Variants in SCN7A observed in about 807,000 individuals in gnomAD.
SCN7A encodes the protein sodium voltage-gated channel alpha subunit 7.
A neutral mutation model predicts 155.2 loss-of-function variants in SCN7A; 138 were observed. The observed-to-expected ratio is 0.89, with a 90% CI of 0.77 to 1.02. The LOEUF (loss-of-function observed/expected upper bound fraction) is 1.02. SCN7A is among the 50% of genes least tolerant of loss of function. The pLI, the probability that SCN7A is intolerant of heterozygous loss-of-function variation, is 0.00. For missense variants in SCN7A, 2,058 were observed against 1,986.6 expected, an observed-to-expected ratio of 1.04 and a Z score of -0.68; for synonymous variants, 693 against 649.0, an observed-to-expected ratio of 1.07 and a Z score of -1.03.
At chr2:166,438,356 T>A (rs1270569647) in intron 15 of SCN7A, among the ~76,000 whole-genome samples, 1 of 152,268 alleles carries the variant, frequency 6.6e-6, no homozygotes, top group Non-Finnish European at 1.5e-5. Flanking sequence ...CCTATGTAAA[T>A]GTGAGTCAAT....
At chr2:166,433,112 A>G (rs1447137303) in intron 15 of SCN7A, among the ~76,000 whole-genome samples, 2 of 152,038 alleles carry the variant, frequency 1.3e-5, no homozygotes, top group African/African-American at 2.4e-5. Flanking sequence ...AGCTTGTGGG[A>G]GTTATTTATA....
rs144380173 is a variant in SCN7A, at chr2:166,453,251, T to C, written c.1290+3619A>G. Among the ~76,000 whole-genome samples, 44 of 152,254 alleles carry C rather than the reference T, an allele frequency of 2.9e-4. 1 individual carries two copies. The East Asian group carries it at 6.2e-3, about 21-fold the overall frequency. On this transcript the variant is annotated intron_variant, in intron 11 of 25. Coordinates refer to ENST00000643258, the MANE Select transcript of SCN7A (RefSeq NM_002976.4). The stretch of plus-strand genomic sequence containing the variant: ...AGAAAGGCAACAGTGTATGTAAAAA[T>C]TTAGCATAGAGTCTGAAACACAGTA...
intron 10 of SCN7A, among the ~76,000 whole-genome samples, chr2:166,458,210 C>A (rs981329424): frequency 6.6e-6 from 1 of 152,030 alleles, no homozygotes; most frequent in East Asian, 1.9e-4. Context: ...TGCCTGTAGT[C>A]CCAGCTACTC....
At chr2:166,462,583 T>C (rs556381501) in intron 9 of SCN7A, 53 bp from the exon 10 acceptor site, 16 of 1,552,928 alleles carry the variant, frequency 1.0e-5, no homozygotes, top group East Asian at 2.2e-5. Context: ...TATCAGATTA[T>C]GGTCAAATCA....
intron 2 of SCN7A, among the ~76,000 whole-genome samples, chr2:166,481,031 G>A (rs1384817799): frequency 6.6e-6 from 1 of 152,142 alleles, no homozygotes; most frequent in Non-Finnish European, 1.5e-5. Flanking sequence ...CCAGGTTTTT[G>A]TCTAAAGGCT....
intron 7 of SCN7A, 45 bp from the exon 8 acceptor site, chr2:166,466,032 A>G (rs1391067748): frequency 4.8e-6 from 7 of 1,446,378 alleles, no homozygotes; most frequent in Non-Finnish European, 6.6e-6. Flanking sequence ...AATATCTTAG[A>G]AAAGCACTAT....
chr2:166,413,981 G>GTGTATATATATATATATATATATATATA (rs1553513525), intron 21 of SCN7A, among the ~76,000 whole-genome samples: 4 of 53,502 alleles, frequency 7.5e-5, no homozygotes, highest in South Asian at 5.3e-4. Context: ...ATGTGTATGT[G>GTGTATATATATATATATATATATATATA]TATATATATA....
chr2:166,478,904 T>A (rs569644374), intron 2 of SCN7A, among the ~76,000 whole-genome samples: 200 of 152,180 alleles, frequency 1.3e-3, no homozygotes, highest in African/African-American at 4.5e-3. Context: ...TGGTTCTTTT[T>A]TCACACATAC....
rs142065864 is a variant in SCN7A, at chr2:166,467,516, CAGAT to C, written c.665-1533_665-1530del. Reference sequence around the variant, plus strand: ...ATATATATATACACACACACACACACAGATAGATAGATAGATAATTTCCATCATA... The same window carrying C: ...ATATATATATACACACACACACACACAGATAGATAGATAATTTCCATCATA... On this transcript the variant is annotated intron_variant, in intron 7 of 25. Coordinates refer to ENST00000643258, the MANE Select transcript of SCN7A (RefSeq NM_002976.4). Among the ~76,000 whole-genome samples, 55 of 150,040 alleles carry C rather than the reference CAGAT, an allele frequency of 3.7e-4. 2 individuals carry two copies. The South Asian group carries it at 8.2e-3, about 22-fold the overall frequency.
chr2:166,463,333 AG>A (rs2105479713), intron 9 of SCN7A, among the ~76,000 whole-genome samples: 1 of 152,238 alleles, frequency 6.6e-6, no homozygotes, highest in East Asian at 1.9e-4. Context: ...GCCCTTGTGT[AG>A]TTTTCTCTCA....
intron 10 of SCN7A, among the ~76,000 whole-genome samples, chr2:166,457,527 C>T (rs573562582): frequency 6.6e-6 from 1 of 151,924 alleles, no homozygotes; most frequent in East Asian, 1.9e-4. Context: ...ATGGAAAAAT[C>T]ACAGCAAAGT....
In SCN7A at chr2:166,429,217, C is replaced by T. The variant is rs2105406191; in HGVS notation, c.2650G>A (p.Glu884Lys). 1.3e-6 allele frequency: 2 copies of T among 1,548,142 alleles called. No individual in the cohort carries two copies. The highest frequency in any genetic ancestry group is 1.7e-6 in the Non-Finnish European group (2 of 1,145,052). The change falls in exon 17 of 26, where the codon GAA becomes AAA. Residue 884 changes from glutamate to lysine, a missense_variant. Transcript: ENST00000643258. The stretch of plus-strand genomic sequence containing the variant: ...TCACCTCCATAGAACATTTCTTCTT[C>T]TTCAGAGATAGCAATATCAACAGTA... ...CSTVDIAISE[E>K]EEMFYGGERS...
At chr2:166,430,077 T>C (rs988169571) in intron 16 of SCN7A, among the ~76,000 whole-genome samples, 3 of 152,070 alleles carry the variant, frequency 2.0e-5, no homozygotes, top group African/African-American at 7.2e-5. Flanking sequence ...AAGTAATATT[T>C]TCTAATTAAA....
At chr2:166,408,165 C>A (rs1049423498) in intron 25 of SCN7A, among the ~76,000 whole-genome samples, 7 of 151,870 alleles carry the variant, frequency 4.6e-5, no homozygotes, top group African/African-American at 1.7e-4. Context: ...CTTTTCCTTC[C>A]TATTATTTTT....
chr2:166,472,420 A>G lies in SCN7A; in HGVS notation c.469T>C (p.Phe157Leu), dbSNP rs1443954221. The change falls in exon 6 of 26, where the codon TTT (phenylalanine) becomes CTT (leucine). Residue 157 changes from phenylalanine to leucine, a missense_variant. Phe to Leu is a conservative substitution (Grantham distance 22, BLOSUM62 0). Coordinates refer to ENST00000643258, the MANE Select transcript of SCN7A (RefSeq NM_002976.4). ...GCAAAGAGTTTTACAAGTATTTCAA[A>G]TGTGTAAATTCCAAGCAAAGTATTC... is the stretch of plus-strand genomic sequence containing the variant. Reference protein sequence around the residue: ...LENTLLGIYTFEILVKLFARG... With the variant: ...LENTLLGIYTLEILVKLFARG... The G allele has an allele frequency of 2.5e-6, 4 of 1,605,024 alleles. No individual in the cohort carries two copies. The highest frequency in any genetic ancestry group is 2.6e-6 in the Non-Finnish European group (3 of 1,174,338).
Position 166,441,752 on chromosome 2 carries a change from A to T in SCN7A, c.1801T>A (p.Leu601Ile), listed in dbSNP as rs767664664. 6.3e-7 allele frequency: 1 copy of T among 1,593,892 alleles called. No individual in the cohort carries two copies. Among genetic ancestry groups the T allele is most frequent in the Non-Finnish European group, 8.5e-7 (1 of 1,170,848 alleles). Residue 601 changes from leucine (L) to isoleucine (I), a missense_variant and splice_region_variant, in exon 15 of 26, where the codon TTA becomes ATA. Coordinates refer to ENST00000643258, the MANE Select transcript of SCN7A (RefSeq NM_002976.4). ...GMALLRLFRM[L>I]RIFKLGKYWP... ...TACTTTCCCAACTTGAAAATTCTTA[A>T]CTAATAGAGCAATGTAAAATCAAGA...
Position 166,405,279 on chromosome 2 carries a change from C to T in SCN7A, c.*301G>A. The T allele has an allele frequency of 3.6e-6, 1 of 280,884 alleles. No homozygotes were observed. Among genetic ancestry groups the T allele is most frequent in the Admixed American group, 5.0e-5 (1 of 19,874 alleles). 17.4% of individuals were successfully genotyped at this position (280,884 alleles called of 1,614,324 possible). ...CCCCTGCTGCTGCTGATCTCTATCA[C>T]CACTTCCCTTCATTCCCTAGAAGGC... is the stretch of plus-strand genomic sequence containing the variant. On this transcript the variant is annotated 3_prime_UTR_variant, in exon 26 of 26. Coordinates refer to ENST00000643258, the MANE Select transcript of SCN7A (RefSeq NM_002976.4).
chr2:166,414,004 A>ATATATATATATATATAT lies in SCN7A; in HGVS notation c.3415-884_3415-883insATATATATATATATATA, dbSNP rs1559087806. Among the ~76,000 whole-genome samples the ATATATATATATATATAT allele has an allele frequency of 1.7e-3, 77 of 45,772 alleles. 2 individuals are homozygous for ATATATATATATATATAT. The highest frequency in any genetic ancestry group is 2.9e-3 in the African/African-American group (28 of 9,768). The allele number at this position is 45,772 out of a possible 152,430, so 30.0% of individuals were successfully genotyped here. A position where few individuals can be genotyped will look rare whatever the true frequency, so the allele number is the denominator to read the frequency against. Reference sequence around the variant, plus strand: ...GTGTATATATATATATATATATATAAATATACTATATATATGTAAATATAT... The same window carrying ATATATATATATATATAT: ...GTGTATATATATATATATATATATAATATATATATATATATATATATACTATATATATGTAAATATAT... On this transcript the variant is annotated intron_variant, in intron 21 of 25. Transcript: ENST00000643258.
intron 21 of SCN7A, among the ~76,000 whole-genome samples, chr2:166,416,334 C>T (rs866068251): frequency 2.1e-4 from 32 of 152,226 alleles, no homozygotes; most frequent in Admixed American, 1.6e-3. Context: ...AAGCATGTGA[C>T]CTACTCCCTG....
Sources: gnomAD v4.1 joint callset for allele counts (sites outside exome capture counted in the v4.1 genomes callset) on GRCh38, gnomAD v4.1.1 for gene constraint, MANE v1.5 for transcripts, NCBI Gene and HGNC (gene_info 2026-07-23, HGNC 2026-07-21) for gene names.